Variants in CNTN5 observed in about 807,000 individuals in gnomAD.
The protein encoded by CNTN5 is contactin 5.
A neutral mutation model predicts 129.1 loss-of-function variants in CNTN5; 77 were observed. That is an observed-to-expected ratio of 0.60 (90% CI 0.50 to 0.72). CNTN5 has a LOEUF of 0.72. Ranked by LOEUF, CNTN5 falls within the 30% of genes least tolerant of loss-of-function variation. The pLI, the probability that CNTN5 is intolerant of heterozygous loss-of-function variation, is 0.00. For missense variants in CNTN5, 1,478 were observed against 1,328.8 expected (o/e 1.11, Z -1.75); for synonymous variants, 509 against 465.6 (o/e 1.09, Z -1.20).
intron 3 of CNTN5, among the ~76,000 whole-genome samples, chr11:99,626,720 T>A (rs1258664434): frequency 6.6e-6 from 1 of 152,174 alleles, no homozygotes; most frequent in African/African-American, 2.4e-5. Context: ...ACCTAGAGAG[T>A]ACTACGCTGT....
chr11:100,106,040 A>G (rs1189707013), intron 13 of CNTN5, among the ~76,000 whole-genome samples: 3 of 152,214 alleles, frequency 2.0e-5, no homozygotes, highest in African/African-American at 7.2e-5. Context: ...CTTACCATGA[A>G]TGAACATGAT....
intron 14 of CNTN5, among the ~76,000 whole-genome samples, chr11:100,192,764 AGT>A (rs1447332491): frequency 3.9e-5 from 6 of 152,122 alleles, no homozygotes; most frequent in African/African-American, 9.6e-5. Context: ...CCAGTAAAAA[AGT>A]GTGTTTTTAA....
At chr11:99,987,238 A>T (rs1938741955) in intron 8 of CNTN5, among the ~76,000 whole-genome samples, 1 of 152,102 alleles carries the variant, frequency 6.6e-6, no homozygotes, top group African/African-American at 2.4e-5. Flanking sequence ...GAGGATCCAA[A>T]GGGAACAAAA....
chr11:100,230,142 C>T (rs1486907094), intron 16 of CNTN5, among the ~76,000 whole-genome samples: 1 of 152,068 alleles, frequency 6.6e-6, no homozygotes, highest in African/African-American at 2.4e-5. Context: ...ATTTATTCAG[C>T]TAACATAATT....
chr11:99,433,450 T>G lies in CNTN5; in HGVS notation c.-71+107966T>G, dbSNP rs1371700055. ...ATGTTATAGTTAAACTTTTAGGTTT[T>G]ATTTTTATGATAAACATATCAGTTA... On this transcript the variant is annotated intron_variant, in intron 2 of 24. Transcript: ENST00000524871. Among the ~76,000 whole-genome samples, 3 of 151,978 alleles carry G rather than the reference T, an allele frequency of 2.0e-5. No individual in the cohort carries two copies. In the East Asian group the frequency reaches 5.8e-4, roughly 29 times the overall value.
chr11:99,027,534 T>C (rs1474168629), intron 1 of CNTN5, among the ~76,000 whole-genome samples: 4 of 151,692 alleles, frequency 2.6e-5, no homozygotes, highest in Non-Finnish European at 5.9e-5. Context: ...AGGAGGTTAA[T>C]AGACAACAAA....
rs561715146 is a variant in CNTN5, at chr11:99,335,850, C to T, written c.-71+10366C>T. Among the ~76,000 whole-genome samples, 19 of 152,152 alleles carry T rather than the reference C, an allele frequency of 1.2e-4. 1 individual carries two copies. In the East Asian group the frequency reaches 1.4e-3, roughly 11 times the overall value. Reference sequence around the variant, plus strand: ...AGAAGCAGGATGAGACTCGGACCCTCGAGATGAGACAATGAGTACAGGAAC... The same window carrying T: ...AGAAGCAGGATGAGACTCGGACCCTTGAGATGAGACAATGAGTACAGGAAC... On this transcript the variant is annotated intron_variant, in intron 2 of 24. Coordinates refer to ENST00000524871, the MANE Select transcript of CNTN5 (RefSeq NM_014361.4).
chr11:99,919,684 A>G (rs936779505), intron 7 of CNTN5, among the ~76,000 whole-genome samples: 25 of 152,082 alleles, frequency 1.6e-4, no homozygotes, highest in Non-Finnish European at 3.7e-4. Flanking sequence ...TGCCTTCATC[A>G]CCACAACTTG....
At chr11:100,168,459 T>G (rs537784958) in intron 13 of CNTN5, among the ~76,000 whole-genome samples, 2 of 152,102 alleles carry the variant, frequency 1.3e-5, no homozygotes, top group South Asian at 4.1e-4. Flanking sequence ...AGAATTATGC[T>G]AAATCTACTC....
intron 2 of CNTN5, among the ~76,000 whole-genome samples, chr11:99,501,132 T>G (rs980346800): frequency 6.6e-6 from 1 of 152,324 alleles, no homozygotes; most frequent in Admixed American, 6.5e-5. Flanking sequence ...TAAAACACTA[T>G]AAATATTTGC....
At chr11:100,068,683 C>G (rs547162831) in intron 10 of CNTN5, among the ~76,000 whole-genome samples, 1 of 152,260 alleles carries the variant, frequency 6.6e-6, no homozygotes, top group South Asian at 2.1e-4. Flanking sequence ...GTACAAAAAT[C>G]ATGATGAATA....
chr11:99,636,248 A>T (rs1302743936), intron 3 of CNTN5, among the ~76,000 whole-genome samples: 2 of 152,132 alleles, frequency 1.3e-5, no homozygotes, highest in Non-Finnish European at 1.5e-5. Context: ...TATATGGGGG[A>T]GATTGGGTGG....
At chr11:99,849,498 C>A (rs1424104616) in intron 6 of CNTN5, among the ~76,000 whole-genome samples, 2 of 152,022 alleles carry the variant, frequency 1.3e-5, no homozygotes, top group South Asian at 2.1e-4. Context: ...CTGCTCCCAA[C>A]CCCTTGTCAG....
intron 18 of CNTN5, among the ~76,000 whole-genome samples, chr11:100,284,747 A>C (rs1289349887): frequency 6.6e-6 from 1 of 152,218 alleles, no homozygotes; most frequent in Admixed American, 6.5e-5. Context: ...TGTAGTATAA[A>C]ATTTCAATTA....
At chr11:100,238,475 GAGAAGC>G (rs756316884) in intron 16 of CNTN5, among the ~76,000 whole-genome samples, 54 of 146,934 alleles carry the variant, frequency 3.7e-4, no homozygotes, top group African/African-American at 1.3e-3. Flanking sequence ...GGAAAAGGAG[GAGAAGC>G]AGAAGCAGCA....
At chr11:100,004,770 T>C (rs951092019) in intron 9 of CNTN5, among the ~76,000 whole-genome samples, 5 of 152,186 alleles carry the variant, frequency 3.3e-5, no homozygotes, top group Non-Finnish European at 5.9e-5. Flanking sequence ...AAACTGGAGA[T>C]ATGAAGTGGG....
At chr11:99,971,612 G>A (rs1364806068) in intron 8 of CNTN5, among the ~76,000 whole-genome samples, 1 of 151,314 alleles carries the variant, frequency 6.6e-6, no homozygotes, top group African/African-American at 2.4e-5. Context: ...GCCCTAACTC[G>A]ATCTCTAAAG....
chr11:99,565,034 C>T (rs1948957830), intron 3 of CNTN5, among the ~76,000 whole-genome samples: 1 of 152,024 alleles, frequency 6.6e-6, no homozygotes, highest in African/African-American at 2.4e-5. Flanking sequence ...ATAAGTATAT[C>T]ACAATAATAT....
intron 9 of CNTN5, among the ~76,000 whole-genome samples, chr11:100,011,597 T>A (rs1940536322): frequency 6.6e-6 from 1 of 152,256 alleles, no homozygotes; most frequent in Middle Eastern, 3.4e-3. Flanking sequence ...TGTGGTGAGG[T>A]GGGAGGGAAG....
Sources: gnomAD v4.1 joint callset for allele counts (sites outside exome capture counted in the v4.1 genomes callset) on GRCh38, gnomAD v4.1.1 for gene constraint, MANE v1.5 for transcripts, NCBI Gene and HGNC (gene_info 2026-07-23, HGNC 2026-07-21) for gene names.